The following TRIM64B variants were observed in gnomAD, a reference collection of about 807,000 sequenced individuals.
TRIM64B encodes tripartite motif containing 64B.
For missense variants in TRIM64B, 57 were observed against 536.4 expected (o/e 0.11, Z 8.83); for synonymous variants, 17 against 190.3 (o/e 0.09, Z 7.50).
chr11:89,872,776 T>A (rs1446562555), intron 4 of TRIM64B, among the ~76,000 whole-genome samples: 1 of 151,788 alleles, frequency 6.6e-6, no homozygotes. Flanking sequence ...AGAACCCTGC[T>A]GCTGAGGGGC....
intron 4 of TRIM64B, among the ~76,000 whole-genome samples, chr11:89,872,799 T>C (rs1950125064): frequency 6.6e-6 from 1 of 151,784 alleles, no homozygotes; most frequent in African/African-American, 2.4e-5. Flanking sequence ...GAGGCAACCA[T>C]TTCCCTGAGG....
At chr11:89,877,609 C>CTTTTTTTTTTTTT (rs1280189775), upstream of TRIM64B, among the ~76,000 whole-genome samples, 1 of 141,502 alleles carries the variant, frequency 7.1e-6, no homozygotes, top group Non-Finnish European at 1.6e-5. Context: ...TTTTCTTTTT[C>CTTTTTTTTTTTTT]TTTTTTTTTT....
At chr11:89,877,661 G>T (rs147307418), upstream of TRIM64B, among the ~76,000 whole-genome samples, 1 of 146,214 alleles carries the variant, frequency 6.8e-6, no homozygotes, top group African/African-American at 2.5e-5. Flanking sequence ...ACTCTGTTAC[G>T]CAGGCTGGAG....
chr11:89,877,585 TTTTC>T (rs1262931300), upstream of TRIM64B, among the ~76,000 whole-genome samples: 1 of 148,726 alleles, frequency 6.7e-6, no homozygotes, highest in Non-Finnish European at 1.5e-5. Context: ...TATTGATCTA[TTTTC>T]TTTCTTTCTT....
intron 1 of TRIM64B, among the ~76,000 whole-genome samples, 169 bp from the exon 3 acceptor site, chr11:89,875,242 A>C (rs1950150945): frequency 6.6e-6 from 1 of 152,246 alleles, no homozygotes; most frequent in Admixed American, 6.5e-5. Flanking sequence ...GGATGTGAAA[A>C]GTGATAGAAA....
chr11:89,876,419 A>G (rs1331486930), upstream of TRIM64B, among the ~76,000 whole-genome samples: 1 of 149,254 alleles, frequency 6.7e-6, no homozygotes, highest in Admixed American at 6.7e-5. Context: ...AACAGCAAGA[A>G]GATTAAAAAT....
chr11:89,874,080 G>T, exon 3 of TRIM64B: 1 of 1,549,548 alleles, frequency 6.5e-7, no homozygotes, highest in South Asian at 1.2e-5. Context: ...CATGTGGCAT[G>T]TCTCCCACAG....
At chr11:89,876,341 T>C (rs1439858052), upstream of TRIM64B, among the ~76,000 whole-genome samples, 4 of 146,478 alleles carry the variant, frequency 2.7e-5, no homozygotes, top group African/African-American at 9.8e-5. Flanking sequence ...ACTTTATGTC[T>C]AGATTACTTT....
intron 4 of TRIM64B, among the ~76,000 whole-genome samples, chr11:89,872,685 G>C (rs1950123433): frequency 6.6e-6 from 1 of 151,812 alleles, no homozygotes; most frequent in Admixed American, 6.5e-5. Context: ...ACTAATGCTA[G>C]TCAGTGTCTA....
At chr11:89,876,175 T>C (rs1285266338), upstream of TRIM64B, among the ~76,000 whole-genome samples, 1 of 130,232 alleles carries the variant, frequency 7.7e-6, no homozygotes, top group Non-Finnish European at 1.6e-5. Context: ...AACTGAGACA[T>C]AGTAAATTCA....
intron 4 of TRIM64B, 144 bp from the exon 6 acceptor site, chr11:89,872,456 A>G (rs1590884809): frequency 7.1e-7 from 1 of 1,404,776 alleles, no homozygotes; most frequent in African/African-American, 1.5e-5. Flanking sequence ...TCCACACTCT[A>G]GGGGCAATAA....
chr11:89,872,922 C>CTT lies in TRIM64B; in HGVS notation c.758+344_758+345dup, dbSNP rs34678191. Among the ~76,000 whole-genome samples, 1,050 of 135,886 alleles carry CTT rather than the reference C, an allele frequency of 7.7e-3. 11 individuals carry two copies. Among genetic ancestry groups the CTT allele is most frequent in the African/African-American group, 0.011 (397 of 36,398 alleles). 89.1% of individuals were successfully genotyped at this position (135,886 alleles called of 152,430 possible). On this transcript the variant is annotated intron_variant, in intron 4 of 5. Coordinates refer to ENST00000329862, the Ensembl canonical transcript of TRIM64B. ...TAGGGAATCTCTCTCCTCCCTCTGTCTTTTTTTTTTTTTTTTTTTTAACCT... is the reference window on the plus strand; with the variant it reads ...TAGGGAATCTCTCTCCTCCCTCTGTCTTTTTTTTTTTTTTTTTTTTTTAACCT...
chr11:89,873,138 C>T (rs1199974111), intron 4 of TRIM64B, 130 bp downstream of exon 5: 1 of 953,024 alleles, frequency 1.0e-6, no homozygotes, highest in African/African-American at 1.7e-5. Flanking sequence ...AGAAGAAGAC[C>T]TCAGGCCCTC....
intron 4 of TRIM64B, among the ~76,000 whole-genome samples, chr11:89,872,922 C>CTTT (rs34678191): frequency 5.1e-5 from 7 of 135,936 alleles, no homozygotes; most frequent in Admixed American, 7.2e-5. Flanking sequence ...CTCCCTCTGT[C>CTTT]TTTTTTTTTT....
intron 4 of TRIM64B, among the ~76,000 whole-genome samples, chr11:89,872,927 T>TC (rs1438773430): frequency 2.0e-5 from 3 of 150,478 alleles, no homozygotes; most frequent in African/African-American, 7.5e-5. Context: ...TCTGTCTTTT[T>TC]TTTTTTTTTT....
At chr11:89,871,632 T>C (rs1950109507) in intron 5 of TRIM64B, among the ~76,000 whole-genome samples, 1 of 135,198 alleles carries the variant, frequency 7.4e-6, no homozygotes, top group Non-Finnish European at 1.6e-5. Context: ...TACTCTGGGT[T>C]CCTGCCCTCT....
At chr11:89,876,232 C>T (rs1299866202), upstream of TRIM64B, among the ~76,000 whole-genome samples, 2 of 136,536 alleles carry the variant, frequency 1.5e-5, no homozygotes, top group South Asian at 2.5e-4. Context: ...ATCGAAGATT[C>T]GGTCAAGGAC....
At chr11:89,873,828 T>G (rs539128154) in intron 3 of TRIM64B, among the ~76,000 whole-genome samples, 118 of 127,848 alleles carry the variant, frequency 9.2e-4, no homozygotes, top group African/African-American at 3.0e-3. Context: ...CAAATTATAT[T>G]GAAGAGAACT....
At chr11:89,873,061 T>C (rs1478536222) in intron 4 of TRIM64B, among the ~76,000 whole-genome samples, 1 of 152,034 alleles carries the variant, frequency 6.6e-6, no homozygotes, top group Non-Finnish European at 1.5e-5. Context: ...AACTTCCGAA[T>C]GGCAAATTGT....
Sources: allele counts gnomAD v4.1 joint callset (sites outside exome capture counted in the v4.1 genomes callset), GRCh38; gene constraint gnomAD v4.1.1; transcripts MANE v1.5; gene names NCBI Gene and HGNC (gene_info 2026-07-23, HGNC 2026-07-21).